Variants in TMEM163 observed in about 807,000 individuals in gnomAD.
The protein encoded by TMEM163 is transmembrane protein 163.
Under a neutral mutation model 29.3 loss-of-function variants are expected in TMEM163, and 17 were observed. That is an observed-to-expected ratio of 0.58 (90% CI 0.40 to 0.87). TMEM163 has a LOEUF of 0.87. Among genes scored for constraint, TMEM163 ranks in the 40% least tolerant of loss-of-function variants. The pLI is 0.00. For missense variants in TMEM163, 303 were observed against 381.5 expected (o/e 0.79, Z 1.71); for synonymous variants, 157 against 160.6 (o/e 0.98, Z 0.17).
intron 2 of TMEM163, among the ~76,000 whole-genome samples, chr2:134,560,660 C>T (rs1215927018): frequency 6.6e-6 from 1 of 152,066 alleles, no homozygotes; most frequent in African/African-American, 2.4e-5. Flanking sequence ...AGCCCCGGAC[C>T]CAGAAAGCCA....
intron 2 of TMEM163, among the ~76,000 whole-genome samples, chr2:134,585,032 C>T (rs1574257601): frequency 6.6e-6 from 1 of 152,150 alleles, no homozygotes; most frequent in East Asian, 1.9e-4. Flanking sequence ...ACTTGAGAGG[C>T]CCCTAAACTG....
chr2:134,689,851 A>T (rs1034723916), intron 2 of TMEM163, among the ~76,000 whole-genome samples: 2 of 152,234 alleles, frequency 1.3e-5, no homozygotes, highest in African/African-American at 4.8e-5. Flanking sequence ...CCCATCAAAA[A>T]TGTGGTTTCT....
At chr2:134,703,936 T>C (rs947609610) in intron 2 of TMEM163, among the ~76,000 whole-genome samples, 9 of 152,198 alleles carry the variant, frequency 5.9e-5, no homozygotes, top group African/African-American at 2.2e-4. Flanking sequence ...CCTTTTTTAT[T>C]TTCTACTCAT....
At chr2:134,507,424 C>T (rs74756548) in intron 4 of TMEM163, among the ~76,000 whole-genome samples, 3,489 of 152,268 alleles carry the variant, frequency 0.023, 95 homozygotes, top group East Asian at 0.15. Context: ...GAATCAGCAG[C>T]ACCCGCGTCA....
rs572232532 is a variant in TMEM163, at chr2:134,704,313, G to A, written c.322+8887C>T. ...GACCTGGGCACTCATTTCCCCAGCTGCCAGGAATGAGGGCTGCTGATGGCT... is the reference window on the plus strand; with the variant it reads ...GACCTGGGCACTCATTTCCCCAGCTACCAGGAATGAGGGCTGCTGATGGCT... On this transcript the variant is annotated intron_variant, in intron 2 of 7. Transcript: ENST00000281924. Among the ~76,000 whole-genome samples, 17 of 152,210 alleles carry A rather than the reference G, an allele frequency of 1.1e-4. No individual in the cohort carries two copies. The East Asian group carries it at 3.3e-3, about 29-fold the overall frequency.
At chr2:134,622,690 C>T (rs1300305273) in intron 2 of TMEM163, among the ~76,000 whole-genome samples, 1 of 152,134 alleles carries the variant, frequency 6.6e-6, no homozygotes, top group African/African-American at 2.4e-5. Flanking sequence ...AACTACCAGC[C>T]GCCTGCTTGC....
At chr2:134,710,270 A>C (rs934874244) in intron 2 of TMEM163, among the ~76,000 whole-genome samples, 5 of 152,334 alleles carry the variant, frequency 3.3e-5, no homozygotes, top group African/African-American at 1.2e-4. Flanking sequence ...TACAATGTAC[A>C]TGTCAGGTAA....
intron 4 of TMEM163, among the ~76,000 whole-genome samples, chr2:134,543,454 T>C (rs766606332): frequency 6.6e-6 from 1 of 152,212 alleles, no homozygotes; most frequent in Non-Finnish European, 1.5e-5. Context: ...AAGTGTGGAA[T>C]AAATAGGATT....
chr2:134,694,120 A>C (rs1369027489), intron 2 of TMEM163, among the ~76,000 whole-genome samples: 3 of 152,206 alleles, frequency 2.0e-5, no homozygotes, highest in Admixed American at 2.0e-4. Context: ...GCAAGAATGA[A>C]GTGTGATCTG....
chr2:134,680,894 C>G (rs1684216101), intron 2 of TMEM163, among the ~76,000 whole-genome samples: 1 of 152,176 alleles, frequency 6.6e-6, no homozygotes, highest in African/African-American at 2.4e-5. Flanking sequence ...ATGAGAATTA[C>G]ACAAAAGCAC....
At chr2:134,601,551 AG>A (rs1682234711) in intron 2 of TMEM163, among the ~76,000 whole-genome samples, 1 of 152,254 alleles carries the variant, frequency 6.6e-6, no homozygotes, top group African/African-American at 2.4e-5. Context: ...GCAATTCGGC[AG>A]GGCTGGACCA....
At chr2:134,528,513 G>A (rs1469594439) in intron 4 of TMEM163, among the ~76,000 whole-genome samples, 3 of 152,208 alleles carry the variant, frequency 2.0e-5, no homozygotes, top group African/African-American at 7.2e-5. Flanking sequence ...AGATAGAAAA[G>A]TTAGGGTATG....
intron 2 of TMEM163, among the ~76,000 whole-genome samples, chr2:134,660,887 G>GGCA (rs1553490573): frequency 6.6e-6 from 1 of 151,752 alleles, no homozygotes; most frequent in Non-Finnish European, 1.5e-5. Flanking sequence ...TCTGAGGAAA[G>GGCA]GTTTCACTTT....
In TMEM163 at chr2:134,718,888, G is replaced by C; in HGVS notation, c.48C>G (p.Thr16=). Reference sequence around the variant, plus strand: ...CGTGGCCCCGGGGCGGCGGCGGGACGGTGGGCCCCTGGGAGCTGCGGCGCT... The same window carrying C: ...CGTGGCCCCGGGGCGGCGGCGGGACCGTGGGCCCCTGGGAGCTGCGGCGCT... The part of the protein sequence containing the change: ...GIQRRSSQGP[T]VPPPPRGHAP... Residue 16 remains threonine, a synonymous_variant, in exon 1 of 8, where the codon ACC becomes ACG. Transcript: ENST00000281924. 9.1e-7 allele frequency: 1 copy of C among 1,094,968 alleles called. No individual in the cohort carries two copies. The highest frequency in any genetic ancestry group is 1.1e-6 in the Non-Finnish European group (1 of 901,716). The allele number at this position is 1,094,968 out of a possible 1,614,324, so 67.8% of individuals were successfully genotyped here.
At chr2:134,617,681 C>T (rs201766461) in intron 2 of TMEM163, among the ~76,000 whole-genome samples, 6 of 151,252 alleles carry the variant, frequency 4.0e-5, no homozygotes, top group Non-Finnish European at 7.4e-5. Flanking sequence ...ACAGAATAAA[C>T]GGGAACAACA....
intron 4 of TMEM163, among the ~76,000 whole-genome samples, chr2:134,540,849 T>G (rs187852255): frequency 2.0e-5 from 3 of 152,302 alleles, no homozygotes; most frequent in African/African-American, 7.2e-5. Flanking sequence ...ATGAAGAAAT[T>G]CCATAGTTAA....
At chr2:134,605,018 A>G (rs1290310610) in intron 2 of TMEM163, among the ~76,000 whole-genome samples, 1 of 151,980 alleles carries the variant, frequency 6.6e-6, no homozygotes, top group African/African-American at 2.4e-5. Flanking sequence ...TGTCTCTACT[A>G]AATATACAAA....
At chr2:134,522,361 C>T (rs576204026) in intron 4 of TMEM163, among the ~76,000 whole-genome samples, 5 of 152,330 alleles carry the variant, frequency 3.3e-5, no homozygotes, top group South Asian at 2.1e-4. Flanking sequence ...AGAAGGAATG[C>T]GTTTGAATTT....
rs6430521 is a variant in TMEM163 at position 134,516,711 on chromosome 2, A to T, written c.459-13714T>A. On this transcript the variant is annotated intron_variant, in intron 4 of 7. Transcript: ENST00000281924. ...CATATATATGCATATATTCATATAT[A>T]CATATATATTCATATATATGCATAT... Among the ~76,000 whole-genome samples the T allele has an allele frequency of 3.4e-5, 4 of 119,380 alleles. No homozygotes were observed. In the East Asian group the frequency reaches 1.1e-3, roughly 32 times the overall value. The allele number at this position is 119,380 out of a possible 152,430, so 78.3% of individuals were successfully genotyped here.
Sources: gnomAD v4.1 joint callset for allele counts (sites outside exome capture counted in the v4.1 genomes callset) on GRCh38, gnomAD v4.1.1 for gene constraint, MANE v1.5 for transcripts, NCBI Gene and HGNC (gene_info 2026-07-23, HGNC 2026-07-21) for gene names.